The following DNMT3A variants were observed in gnomAD, a reference collection of about 807,000 sequenced individuals.
DNMT3A encodes the protein DNA methyltransferase 3 alpha, also known as DNA (cytosine-5)-methyltransferase 3A.
DNMT3A carries 267 observed loss-of-function variants against 117.6 expected under a neutral mutation model. The observed-to-expected ratio is 2.27, with a 90% CI of 2.05 to 2.51. The LOEUF is 2.51. Ranked by LOEUF, DNMT3A falls within the 30% of genes most tolerant of loss-of-function variation. DNMT3A has a pLI of 0.00. For missense variants in DNMT3A, 1,029 were observed against 1,260.2 expected (o/e 0.82, Z 2.78); for synonymous variants, 432 against 474.8 (o/e 0.91, Z 1.17).
chr2:25,282,684 G>T lies in DNMT3A; in HGVS notation c.205C>A (p.Pro69Thr). Residue 69 changes from proline to threonine, a missense_variant, in exon 4 of 23, where the codon CCT (proline) becomes ACT (threonine). Physicochemically the swap from Pro to Thr is conservative, Grantham distance 38 (BLOSUM62 -1). Transcript: ENST00000321117. The surrounding 1 kb of genome is among the most constrained non-coding windows in gnomAD (Gnocchi z 5.2). ...PVESGDTPKDPAVISKSPSMA... is the reference protein window; with the variant it reads ...PVESGDTPKDTAVISKSPSMA... ...GATGGGGACTTGGAGATCACCGCAG[G>T]GTCCTTTGGCGTGTCACCGCTTTCC... 6.5e-7 allele frequency: 1 copy of T among 1,548,644 alleles called. No homozygotes were observed. The highest frequency in any genetic ancestry group is 8.7e-7 in the Non-Finnish European group (1 of 1,147,100).
intron 1 of DNMT3A, among the ~76,000 whole-genome samples, chr2:25,317,786 A>G (rs1400201447): frequency 6.6e-6 from 1 of 152,230 alleles, no homozygotes; most frequent in Non-Finnish European, 1.5e-5. Flanking sequence ...CCCAGGCTGG[A>G]GTGCAATGCC....
rs1675631862 is a variant in DNMT3A, at chr2:25,252,070, C to A, written c.640-3818G>T. 2 of 1,291,048 alleles carry A rather than the reference C, an allele frequency of 1.5e-6. No homozygotes were observed. Among genetic ancestry groups the A allele is most frequent in the Non-Finnish European group, 2.1e-6 (2 of 949,516 alleles). 80.0% of individuals were successfully genotyped at this position (1,291,048 alleles called of 1,614,324 possible). ...GAACTCGGGCCAGGCCGGGACGCCG[C>A]GGCTGCTGCGGGCCGGGGAGGCATA... On this transcript the variant is annotated intron_variant, in intron 6 of 22. Coordinates refer to ENST00000321117, the MANE Select transcript of DNMT3A (RefSeq NM_022552.5). This position sits in a 1 kb window ranked among gnomAD's most constrained non-coding sequence, Gnocchi z 5.5.
chr2:25,275,485 G>A lies in DNMT3A; in HGVS notation c.492+15C>T, dbSNP rs2031327249. The stretch of plus-strand genomic sequence containing the variant: ...GAATCAGGATCCACAGAGCCCCTGG[G>A]GGTGGAACACTTGCCTCCATTTTCA... On this transcript the variant is annotated intron_variant, in intron 5 of 22. Coordinates refer to ENST00000321117, the MANE Select transcript of DNMT3A (RefSeq NM_022552.5). 1 of 1,593,278 alleles carries A rather than the reference G, an allele frequency of 6.3e-7. No homozygotes were observed. Among genetic ancestry groups the A allele is most frequent in the African/African-American group, 1.4e-5 (1 of 73,268 alleles).
intron 2 of DNMT3A, among the ~76,000 whole-genome samples, chr2:25,310,598 G>A (rs893531923): frequency 2.0e-5 from 3 of 152,108 alleles, no homozygotes; most frequent in Admixed American, 6.5e-5. Context: ...CCTGGGCTCC[G>A]GGATTATTCT....
chr2:25,280,454 C>G (rs554308353), intron 4 of DNMT3A, among the ~76,000 whole-genome samples: 32 of 152,146 alleles, frequency 2.1e-4, no homozygotes, highest in Non-Finnish European at 3.7e-4. Context: ...GCCCTGCTCC[C>G]TCCCACCTGG....
At position 25,246,230 on chromosome 2, in the gene DNMT3A, T is replaced by TGGTGG; in HGVS notation, c.1354_1358dup (p.Ala454HisfsTer199). Reference sequence around the variant, plus strand: ...CTGTGCTCTTCCGGGGCTTTTTGGCTGGTGGAGGTGGTGCGTAGGCAGCTG... The same window carrying TGGTGG: ...CTGTGCTCTTCCGGGGCTTTTTGGCTGGTGGGGTGGAGGTGGTGCGTAGGCAGCTG... On this transcript the variant is annotated frameshift_variant, in exon 11 of 23. Transcript: ENST00000321117. LOFTEE classifies it high-confidence loss of function. 1 of 1,614,176 alleles carries TGGTGG rather than the reference T, an allele frequency of 6.2e-7. No homozygotes were observed. The highest frequency in any genetic ancestry group is 8.5e-7 in the Non-Finnish European group (1 of 1,180,016).
rs556021342 is a variant in DNMT3A, at chr2:25,239,268, G to A, written c.2323-53C>T. Reference sequence around the variant, plus strand: ...GAGCCAAGGAGGAGCATGAAACAGCGCCGGCATGCTGCTGGGGTCGAGCCT... The same window carrying A: ...GAGCCAAGGAGGAGCATGAAACAGCACCGGCATGCTGCTGGGGTCGAGCCT... On this transcript the variant is annotated intron_variant, in intron 19 of 22. Transcript: ENST00000321117. 1.0e-4 allele frequency: 158 copies of A among 1,521,726 alleles called. 2 individuals carry two copies. The South Asian group carries it at 1.6e-3, about 15-fold the overall frequency. The allele number at this position is 1,521,726 out of a possible 1,614,324, so 94.3% of individuals were successfully genotyped here. A position where few individuals can be genotyped will look rare whatever the true frequency, so the allele number is the denominator to read the frequency against.
At chr2:25,277,483 GC>G (rs2031528611) in intron 4 of DNMT3A, among the ~76,000 whole-genome samples, 2 of 152,140 alleles carry the variant, frequency 1.3e-5, no homozygotes, top group South Asian at 4.1e-4. Flanking sequence ...GGGCTCCGGG[GC>G]TCGCGGTGGC....
rs1672842913 is a variant in DNMT3A at position 25,230,863 on chromosome 2, G to C, written c.*3416C>G. ...AGGGCCTGGTCAAGTGGCTAGATCT[G>C]GAGGAACAAGTGCTCTCAAGCTGTC... On this transcript the variant is annotated 3_prime_UTR_variant, in exon 23 of 23. Coordinates refer to ENST00000321117, the MANE Select transcript of DNMT3A (RefSeq NM_022552.5). The C allele has an allele frequency of 6.7e-6, 1 of 148,894 alleles. No individual in the cohort carries two copies. Among genetic ancestry groups the C allele is most frequent in the Admixed American group, 6.8e-5 (1 of 14,704 alleles). 9.2% of individuals were successfully genotyped at this position (148,894 alleles called of 1,614,324 possible).
intron 4 of DNMT3A, 108 bp from the exon 5 acceptor site, chr2:25,275,651 T>C: frequency 8.1e-7 from 1 of 1,233,732 alleles, no homozygotes; most frequent in Non-Finnish European, 1.1e-6. Context: ...GGGATGGGGG[T>C]CCTCTGGCCG....
chr2:25,261,239 G>C (rs551182210), intron 6 of DNMT3A, among the ~76,000 whole-genome samples: 4 of 152,174 alleles, frequency 2.6e-5, no homozygotes, highest in Middle Eastern at 3.4e-3. Context: ...AGGAGTTTGA[G>C]ACTAGCCTGG....
At chr2:25,317,728 A>G (rs2034437846) in intron 1 of DNMT3A, among the ~76,000 whole-genome samples, 1 of 152,118 alleles carries the variant, frequency 6.6e-6, no homozygotes, top group African/African-American at 2.4e-5. Flanking sequence ...CAAGGAGAGG[A>G]AGGTTATTTA....
intron 1 of DNMT3A, 70 bp downstream of exon 1, chr2:25,341,756 C>G: frequency 9.4e-6 from 9 of 961,364 alleles, no homozygotes; most frequent in Non-Finnish European, 1.1e-5. Context: ...GCGGCGCCCC[C>G]CGCCCGGCTC....
Position 25,249,649 on chromosome 2 carries a change from C to T in DNMT3A, c.640-1397G>A, listed in dbSNP as rs767546710. On this transcript the variant is annotated intron_variant, in intron 6 of 22. Coordinates refer to ENST00000321117, the MANE Select transcript of DNMT3A (RefSeq NM_022552.5). ...TATTCTCCCATTGCACAGCCTCCAT[C>T]CTTTCACCGTATCACACTCGTCTTT... 4.3e-6 allele frequency: 7 copies of T among 1,614,256 alleles called. No individual in the cohort carries two copies. In the East Asian group the frequency reaches 6.7e-5, roughly 15 times the overall value.
Position 25,244,203 on chromosome 2 carries a change from C to T in DNMT3A, c.1803G>A (p.Trp601Ter), listed in dbSNP as rs767692203. 5 of 1,613,906 alleles carry T rather than the reference C, an allele frequency of 3.1e-6. No homozygotes were observed. Among genetic ancestry groups the T allele is most frequent in the Non-Finnish European group, 3.4e-6 (4 of 1,179,998 alleles). The stretch of plus-strand genomic sequence containing the variant: ...CGAAGAACATCTGGAGCCGGGAGGG[C>T]CAGTCCTCTCGCCGCCGCAGCAGCC... Reference protein sequence around the residue: ...TYGLLRRREDWPSRLQMFFAN... With the variant: ...TYGLLRRRED Residue 601 changes from tryptophan (W) to a stop codon, truncating the protein, a stop_gained, in exon 15 of 23, where the codon TGG becomes TGA. Transcript: ENST00000321117. LOFTEE classifies it high-confidence loss of function.
intron 2 of DNMT3A, among the ~76,000 whole-genome samples, chr2:25,301,924 T>C (rs760444807): frequency 6.6e-6 from 1 of 152,340 alleles, no homozygotes; most frequent in Middle Eastern, 3.4e-3. Context: ...GCAAAATACC[T>C]TGTGGTTTGC....
rs1675657773 is a variant in DNMT3A at position 25,252,219 on chromosome 2, G to A, written c.640-3967C>T. 6.4e-7 allele frequency: 1 copy of A among 1,556,486 alleles called. No individual in the cohort carries two copies. The highest frequency in any genetic ancestry group is 1.7e-4 in the Middle Eastern group (1 of 5,944). The stretch of plus-strand genomic sequence containing the variant: ...CCATAAGGCCAGGTGCAGCCCCTCT[G>A]CAGTCGCGCTCAGGTGTGAGCCGCG... On this transcript the variant is annotated intron_variant, in intron 6 of 22. Coordinates refer to ENST00000321117, the MANE Select transcript of DNMT3A (RefSeq NM_022552.5). This position sits in a 1 kb window ranked among gnomAD's most constrained non-coding sequence, Gnocchi z 5.5.
rs1004544423 is a variant in DNMT3A at position 25,294,555 on chromosome 2, G to A, written c.177+5584C>T. The stretch of plus-strand genomic sequence containing the variant: ...AGGGGCACCATATCACCCAGCCGAG[G>A]TCCGGAGGGTTAGCCCAGGAGCGGC... On this transcript the variant is annotated intron_variant, in intron 3 of 22. Transcript: ENST00000321117. This position sits in a 1 kb window ranked among gnomAD's most constrained non-coding sequence, Gnocchi z 4.7. 6.6e-6 allele frequency among the ~76,000 whole-genome samples: 1 copy of A among 152,194 alleles called. No homozygotes were observed. The highest frequency in any genetic ancestry group is 1.5e-5 in the Non-Finnish European group (1 of 68,044).
At chr2:25,244,412 G>A (rs752797813) in intron 14 of DNMT3A, 74 bp from the exon 15 acceptor site, 3 of 1,562,546 alleles carry the variant, frequency 1.9e-6, no homozygotes, top group Non-Finnish European at 2.6e-6. Context: ...TACCTGGAAT[G>A]GAAAGACCGG....
Sources: allele counts gnomAD v4.1 joint callset (sites outside exome capture counted in the v4.1 genomes callset), GRCh38; gene constraint gnomAD v4.1.1; non-coding constraint Gnocchi (gnomAD v3.1); transcripts MANE v1.5; gene names NCBI Gene and HGNC (gene_info 2026-07-23, HGNC 2026-07-21).